AZIN2: variants seen among roughly 807,000 people sequenced by gnomAD.
The protein encoded by AZIN2 is ODC antizyme inhibitor-2.
A neutral mutation model predicts 47.8 loss-of-function variants in AZIN2; 28 were observed. That is an observed-to-expected ratio of 0.59 (90% CI 0.43 to 0.80). AZIN2 has a LOEUF of 0.80. Ranked by LOEUF, AZIN2 falls within the 30% of genes least tolerant of loss-of-function variation. The probability of loss-of-function intolerance (pLI) is 0.00; values close to 1 mark genes in which losing one functional copy is unlikely to be tolerated. For missense variants in AZIN2, 535 were observed against 582.5 expected (o/e 0.92, Z 0.84); for synonymous variants, 221 against 239.4 (o/e 0.92, Z 0.71).
chr1:33,095,221 C>T (rs139364228), intron 8 of AZIN2, among the ~76,000 whole-genome samples: 4,085 of 152,270 alleles, frequency 0.027, 186 homozygotes, highest in African/African-American at 0.093. Context: ...GCGCCTCCTT[C>T]GGGAATACCG....
At chr1:33,140,510 AG>A in the AZIN2 span, among the ~76,000 whole-genome samples, 1 of 152,202 alleles carries the variant, frequency 6.6e-6, no homozygotes, top group Admixed American at 6.5e-5. This position sits in a 1 kb window ranked among gnomAD's most constrained non-coding sequence, Gnocchi z 4.0. Flanking sequence ...CTCAGCCTGC[AG>A]GGAGTGAGGG....
the AZIN2 span, among the ~76,000 whole-genome samples, chr1:33,140,880 CCTT>C: frequency 5.3e-5 from 8 of 152,230 alleles, no homozygotes; most frequent in Admixed American, 3.9e-4. The surrounding 1 kb of genome is among the most constrained non-coding windows in gnomAD (Gnocchi z 4.0). Context: ...CTCCCCTTCT[CCTT>C]CTGCTCAGGC....
rs574651994 is a variant in AZIN2, at chr1:33,111,646, C to T, written c.1030-6256C>T. Among the ~76,000 whole-genome samples, 10 of 150,112 alleles carry T rather than the reference C, an allele frequency of 6.7e-5. No individual in the cohort carries two copies. In the East Asian group the frequency reaches 1.2e-3, roughly 18 times the overall value. Reference sequence around the variant, plus strand: ...TTCCTGAGACGGAGTCTTTTTCTGTCGCCCAGGCTGGAGTGCAGTGGCTCG... The same window carrying T: ...TTCCTGAGACGGAGTCTTTTTCTGTTGCCCAGGCTGGAGTGCAGTGGCTCG... On this transcript the variant is annotated intron_variant, in intron 10 of 11. Transcript: ENST00000294517.
chr1:33,162,152 C>G, the AZIN2 span, among the ~76,000 whole-genome samples: 4 of 152,334 alleles, frequency 2.6e-5, no homozygotes, highest in East Asian at 7.7e-4. Context: ...CCAACTGAAT[C>G]ACAGATGATC....
the AZIN2 span, among the ~76,000 whole-genome samples, chr1:33,149,594 A>G: frequency 2.0e-5 from 3 of 151,796 alleles, no homozygotes; most frequent in Admixed American, 2.0e-4. Context: ...AGCTGAGACT[A>G]TAGGCATGCA....
chr1:33,104,146 G>T (rs1396752584), intron 10 of AZIN2, among the ~76,000 whole-genome samples: 1 of 152,124 alleles, frequency 6.6e-6, no homozygotes, highest in Non-Finnish European at 1.5e-5. Context: ...GCCTCCCAAA[G>T]TGCTTTGATT....
chr1:33,165,508 G>A, the AZIN2 span: 1 of 1,609,808 alleles, frequency 6.2e-7, no homozygotes, highest in Non-Finnish European at 8.5e-7. The surrounding 1 kb of genome is among the most constrained non-coding windows in gnomAD (Gnocchi z 4.0). Context: ...CAGCTGCAGC[G>A]CTTCGGTGTG....
chr1:33,087,899 G>A (rs1017505922), intron 5 of AZIN2, among the ~76,000 whole-genome samples: 13 of 152,118 alleles, frequency 8.5e-5, no homozygotes, highest in Admixed American at 2.0e-4. Flanking sequence ...CACATGTCTC[G>A]CTGTGAGACG....
At chr1:33,159,263 C>A in the AZIN2 span, among the ~76,000 whole-genome samples, 1 of 151,910 alleles carries the variant, frequency 6.6e-6, no homozygotes, top group Non-Finnish European at 1.5e-5. The surrounding 1 kb of genome is among the most constrained non-coding windows in gnomAD (Gnocchi z 4.2). Flanking sequence ...CCAACATTAT[C>A]ATAAATAAAA....
At chr1:33,159,583 G>T in the AZIN2 span, 2 of 1,425,308 alleles carry the variant, frequency 1.4e-6, no homozygotes, top group Non-Finnish European at 1.9e-6. The surrounding 1 kb of genome is among the most constrained non-coding windows in gnomAD (Gnocchi z 4.2). Flanking sequence ...AGATTTGAAT[G>T]AAAGAATTCT....
the AZIN2 span, among the ~76,000 whole-genome samples, chr1:33,149,454 CTT>C: frequency 7.4e-6 from 1 of 134,836 alleles, no homozygotes; most frequent in Non-Finnish European, 1.6e-5. Context: ...GTGCTGGATT[CTT>C]TTAAAAAAAA....
At chr1:33,101,284 C>G (rs766534933) in intron 10 of AZIN2, among the ~76,000 whole-genome samples, 1 of 152,150 alleles carries the variant, frequency 6.6e-6, no homozygotes, top group Admixed American at 6.5e-5. Flanking sequence ...AGCGATTGTC[C>G]AGCCTCAGCC....
the AZIN2 span, chr1:33,147,238 C>T: frequency 1.2e-6 from 2 of 1,613,964 alleles, no homozygotes; most frequent in Non-Finnish European, 1.7e-6. This position sits in a 1 kb window ranked among gnomAD's most constrained non-coding sequence, Gnocchi z 8.1. Context: ...GTGGCTCTGG[C>T]CAGGGCTGAA....
the AZIN2 span, among the ~76,000 whole-genome samples, chr1:33,160,768 A>C: frequency 6.6e-6 from 1 of 152,226 alleles, no homozygotes; most frequent in African/African-American, 2.4e-5. Flanking sequence ...AAAGATGACA[A>C]GATCACAGAC....
At chr1:33,110,082 A>AG (rs1260645857) in intron 10 of AZIN2, among the ~76,000 whole-genome samples, 1 of 152,196 alleles carries the variant, frequency 6.6e-6, no homozygotes, top group Non-Finnish European at 1.5e-5. Flanking sequence ...AGTCAACTAG[A>AG]GAAAAAAGCC....
downstream of AZIN2, among the ~76,000 whole-genome samples, chr1:33,128,048 A>G (rs951402039): frequency 6.6e-6 from 1 of 152,076 alleles, no homozygotes; most frequent in African/African-American, 2.4e-5. Flanking sequence ...ACCTTATACC[A>G]TTATTCTAAA....
At position 33,120,692 on chromosome 1, in the gene AZIN2, T is replaced by G. The variant is rs1570244491; in HGVS notation, c.*510T>G. ...ACTCACCTTATCTGACTCATCTCTC[T>G]CCTCCTCATGGGCCTCCAGGCCTGG... On this transcript the variant is annotated 3_prime_UTR_variant, in exon 12 of 12. Transcript: ENST00000294517. 6.6e-6 allele frequency among the ~76,000 whole-genome samples: 1 copy of G among 152,050 alleles called. No individual in the cohort carries two copies. The highest frequency in any genetic ancestry group is 2.4e-5 in the African/African-American group (1 of 41,382).
At chr1:33,114,880 T>C (rs1250660091) in intron 10 of AZIN2, among the ~76,000 whole-genome samples, 1 of 152,072 alleles carries the variant, frequency 6.6e-6, no homozygotes, top group Admixed American at 6.5e-5. Flanking sequence ...TGACCTCAAG[T>C]GATGCGCCCG....
At chr1:33,133,573 T>G in the AZIN2 span, among the ~76,000 whole-genome samples, 1 of 152,160 alleles carries the variant, frequency 6.6e-6, no homozygotes, top group East Asian at 1.9e-4. Context: ...AGGGCCGGGA[T>G]GGTGATCACT....
Sources: allele counts gnomAD v4.1 joint callset (sites outside exome capture counted in the v4.1 genomes callset), GRCh38; gene constraint gnomAD v4.1.1; non-coding constraint Gnocchi (gnomAD v3.1); transcripts MANE v1.5; gene names NCBI Gene and HGNC (gene_info 2026-07-23, HGNC 2026-07-21).